The following SLC6A17 variants were observed in gnomAD, a reference collection of about 807,000 sequenced individuals.
SLC6A17 encodes the protein solute carrier family 6 member 17.
A neutral mutation model predicts 64.5 loss-of-function variants in SLC6A17; 21 were observed. That is an observed-to-expected ratio of 0.33 (90% CI 0.23 to 0.47). SLC6A17 has a LOEUF of 0.47. Among genes scored for constraint, SLC6A17 ranks in the 20% least tolerant of loss-of-function variants. The pLI is 1.00. For synonymous variants in SLC6A17, 372 were observed against 399.5 expected (o/e 0.93, Z 0.82); for missense variants, 682 against 963.2 (o/e 0.71, Z 3.86).
At chr1:110,153,364 G>A (rs1469491759) in intron 1 of SLC6A17, among the ~76,000 whole-genome samples, 1 of 152,150 alleles carries the variant, frequency 6.6e-6, no homozygotes, top group Non-Finnish European at 1.5e-5. Flanking sequence ...TTTTCCTGAA[G>A]GACCCTGGGC....
chr1:110,192,774 A>G lies in SLC6A17; in HGVS notation c.1299+76A>G. 4.1e-6 allele frequency: 6 copies of G among 1,470,514 alleles called. No individual in the cohort carries two copies. The highest frequency in any genetic ancestry group is 1.3e-5 in the South Asian group (1 of 74,394). The allele number at this position is 1,470,514 out of a possible 1,614,324, so 91.1% of individuals were successfully genotyped here. A position where few individuals can be genotyped will look rare whatever the true frequency, so the allele number is the denominator to read the frequency against. Reference sequence around the variant, plus strand: ...CTGTGGCCGGCGGGAGCTTGGGCTCAGGCCTCAGGATGCTGACAGGTAGTC... The same window carrying G: ...CTGTGGCCGGCGGGAGCTTGGGCTCGGGCCTCAGGATGCTGACAGGTAGTC... On this transcript the variant is annotated intron_variant, in intron 8 of 11. Coordinates refer to ENST00000331565, the MANE Select transcript of SLC6A17 (RefSeq NM_001010898.4). This position sits in a 1 kb window ranked among gnomAD's most constrained non-coding sequence, Gnocchi z 4.3.
intron 3 of SLC6A17, chr1:110,172,482 TG>T (rs1283463187): frequency 1.2e-5 from 5 of 429,472 alleles, no homozygotes; most frequent in African/African-American, 1.0e-4. Context: ...CATATTCACA[TG>T]GGGCCGCCTG....
intron 2 of SLC6A17, among the ~76,000 whole-genome samples, chr1:110,167,863 A>T (rs1235245008): frequency 6.6e-6 from 1 of 152,188 alleles, no homozygotes; most frequent in Non-Finnish European, 1.5e-5. Flanking sequence ...GTTGTGGGTG[A>T]TCAAGGTTAC....
At chr1:110,164,061 C>G (rs866809984) in intron 1 of SLC6A17, among the ~76,000 whole-genome samples, 3 of 152,166 alleles carry the variant, frequency 2.0e-5, no homozygotes, top group African/African-American at 4.8e-5. Context: ...AGTATCCGGC[C>G]CTTCCACATG....
In SLC6A17 at chr1:110,181,443, G is replaced by T. The variant is rs566850587; in HGVS notation, c.864+4704G>T. ...TCATTCACTTATTCATTCAACAAAG[G>T]TTTATTGAACACCTGTTACGTGCAC... On this transcript the variant is annotated intron_variant, in intron 6 of 11. Transcript: ENST00000331565. Among the ~76,000 whole-genome samples, 8 of 152,274 alleles carry T rather than the reference G, an allele frequency of 5.3e-5. No individual in the cohort carries two copies. In the South Asian group the frequency reaches 1.0e-3, roughly 20 times the overall value.
At chr1:110,166,681 T>A (rs1570983414) in intron 1 of SLC6A17, 162 bp from the exon 2 acceptor site, 2 of 411,742 alleles carry the variant, frequency 4.9e-6, no homozygotes, top group African/African-American at 3.9e-5. Flanking sequence ...CTTGAGCTCC[T>A]CACCGGGCAG....
chr1:110,170,785 A>G (rs1656201757), intron 2 of SLC6A17, among the ~76,000 whole-genome samples: 1 of 152,072 alleles, frequency 6.6e-6, no homozygotes, highest in Non-Finnish European at 1.5e-5. Flanking sequence ...GACTAGCTCC[A>G]TTGGACCCTG....
intron 6 of SLC6A17, among the ~76,000 whole-genome samples, chr1:110,181,610 A>G (rs1656525654): frequency 6.6e-6 from 1 of 152,234 alleles, no homozygotes; most frequent in Non-Finnish European, 1.5e-5. Context: ...TGCCAAGGGG[A>G]AAAATAAAGC....
At chr1:110,174,676 C>G (rs112043573) in intron 4 of SLC6A17, 103 bp from the exon 5 acceptor site, 2 of 1,428,220 alleles carry the variant, frequency 1.4e-6, no homozygotes, top group African/African-American at 2.8e-5. Flanking sequence ...TGCCCACCCT[C>G]AGCAGCTCCC....
chr1:110,163,053 C>T (rs1030944548), intron 1 of SLC6A17, among the ~76,000 whole-genome samples: 7 of 149,838 alleles, frequency 4.7e-5, no homozygotes, highest in East Asian at 1.9e-4. Flanking sequence ...TGGTTTTAAG[C>T]GGTCTCAAGC....
intron 9 of SLC6A17, among the ~76,000 whole-genome samples, chr1:110,195,239 G>A (rs756758208): frequency 2.0e-5 from 3 of 152,242 alleles, no homozygotes; most frequent in Non-Finnish European, 4.4e-5. Context: ...CTGTTCTCAA[G>A]TGGGGAAACT....
intron 5 of SLC6A17, among the ~76,000 whole-genome samples, chr1:110,175,847 C>T (rs1421495282): frequency 6.6e-6 from 1 of 152,272 alleles, no homozygotes; most frequent in Middle Eastern, 3.4e-3. Context: ...CCTGTATGAA[C>T]GCATTTGGTC....
chr1:110,176,087 G>A (rs138395754), intron 5 of SLC6A17, among the ~76,000 whole-genome samples: 5 of 152,252 alleles, frequency 3.3e-5, no homozygotes, highest in South Asian at 2.1e-4. Flanking sequence ...TGAGCATCTC[G>A]TGTGAGGCCA....
intron 1 of SLC6A17, among the ~76,000 whole-genome samples, chr1:110,160,394 C>G (rs964198557): frequency 2.0e-5 from 3 of 152,152 alleles, no homozygotes; most frequent in Non-Finnish European, 4.4e-5. Context: ...AGGCAGGGAC[C>G]CTAGAACACC....
intron 6 of SLC6A17, among the ~76,000 whole-genome samples, chr1:110,177,251 GT>G (rs1400178942): frequency 4.1e-4 from 63 of 152,292 alleles, no homozygotes; most frequent in African/African-American, 1.4e-3. Flanking sequence ...GAGGAAAGAA[GT>G]TACTATTTTA....
rs1219904532 is a variant in SLC6A17, at chr1:110,174,924, G to A, written c.717G>A (p.Gly239=). Residue 239 remains glycine, a synonymous_variant, in exon 5 of 12, where the codon GGG becomes GGA. Transcript: ENST00000331565. The part of the protein sequence containing the change: ...LCLLVAWSIV[G]MAVVKGIQSS... ...TCCTCGTGGCCTGGAGCATCGTGGG[G>A]ATGGCTGTCGTTAAGGGCATCCAGT... is the stretch of plus-strand genomic sequence containing the variant. 8 of 1,614,048 alleles carry A rather than the reference G, an allele frequency of 5.0e-6. No homozygotes were observed. The highest frequency in any genetic ancestry group is 6.8e-6 in the Non-Finnish European group (8 of 1,180,014).
At chr1:110,193,074 G>A (rs1279319526) in intron 8 of SLC6A17, among the ~76,000 whole-genome samples, 2 of 152,174 alleles carry the variant, frequency 1.3e-5, no homozygotes, top group South Asian at 2.1e-4. Flanking sequence ...GTGTTTGCCC[G>A]TTGCTGTCTA....
intron 9 of SLC6A17, among the ~76,000 whole-genome samples, chr1:110,195,275 A>C (rs1234699395): frequency 6.6e-6 from 1 of 152,224 alleles, no homozygotes; most frequent in Non-Finnish European, 1.5e-5. Context: ...ACTGGTAACA[A>C]TCAGATGAAT....
rs550485152 is a variant in SLC6A17 at position 110,198,246 on chromosome 1, G to A, written c.1986G>A (p.Lys662=). ...CCTACAAGAAGGGCCGCATGATGAA[G>A]GACATCTCCAACCTGGAGGAGAACG... ...SVSYKKGRMM[K]DISNLEENDE... is the part of the protein sequence containing the mutation. The change falls in exon 12 of 12, where the codon AAG becomes AAA. Residue 662 remains lysine (K), a synonymous_variant. Transcript: ENST00000331565. 2.5e-6 allele frequency: 4 copies of A among 1,614,192 alleles called. No individual in the cohort carries two copies. In the South Asian group the frequency reaches 4.4e-5, roughly 18 times the overall value.
Sources: gnomAD v4.1 joint callset for allele counts (sites outside exome capture counted in the v4.1 genomes callset) on GRCh38, gnomAD v4.1.1 for gene constraint, Gnocchi (gnomAD v3.1) non-coding constraint, MANE v1.5 for transcripts, NCBI Gene and HGNC (gene_info 2026-07-23, HGNC 2026-07-21) for gene names.